MAX: variants seen among roughly 807,000 people sequenced by gnomAD.
MAX encodes MYC associated transcriptional regulator X.
A neutral mutation model predicts 22.3 loss-of-function variants in MAX; 3 were observed. The observed-to-expected ratio is 0.13, with a 90% CI of 0.06 to 0.35. The LOEUF is 0.35. Among genes scored for constraint, MAX ranks in the 10% least tolerant of loss-of-function variants. The probability of loss-of-function intolerance (pLI) is 1.00; values close to 1 mark genes in which losing one functional copy is unlikely to be tolerated. For missense variants in MAX, 119 were observed against 209.4 expected, an observed-to-expected ratio of 0.57 and a Z score of 2.66; for synonymous variants, 72 against 77.7, an observed-to-expected ratio of 0.93 and a Z score of 0.39.
rs752204333 is a variant in MAX at position 65,032,567 on chromosome 14, T to C, written c.172-26283A>G. ...GCGGAGTTCACTGAGCCTCATTAGCTCTTCCGTAGAGCTTAATGTGTTTCC... is the reference window on the plus strand; with the variant it reads ...GCGGAGTTCACTGAGCCTCATTAGCCCTTCCGTAGAGCTTAATGTGTTTCC... On this transcript the variant is annotated intron_variant, in intron 3 of 3. Coordinates refer to the MAX transcript ENST00000341653. This position sits in a 1 kb window ranked among gnomAD's most constrained non-coding sequence, Gnocchi z 5.0. 1.9e-6 allele frequency: 3 copies of C among 1,605,234 alleles called. No homozygotes were observed. Among genetic ancestry groups the C allele is most frequent in the Admixed American group, 1.7e-5 (1 of 58,726 alleles).
At chr14:65,035,210 C>T (rs1761405646) in intron 3 of MAX, among the ~76,000 whole-genome samples, 1 of 152,154 alleles carries the variant, frequency 6.6e-6, no homozygotes, top group South Asian at 2.1e-4. Flanking sequence ...TGACCCCTGG[C>T]CTGCTGCTGC....
downstream of MAX, among the ~76,000 whole-genome samples, chr14:65,072,605 C>A (rs1044620171): frequency 3.9e-5 from 6 of 152,166 alleles, no homozygotes; most frequent in African/African-American, 1.2e-4. Flanking sequence ...TGGTGAGCCA[C>A]GGCACACTTT....
At chr14:65,071,892 C>T (rs927896953), downstream of MAX, among the ~76,000 whole-genome samples, 10 of 152,338 alleles carry the variant, frequency 6.6e-5, no homozygotes, top group Admixed American at 5.2e-4. This position sits in a 1 kb window ranked among gnomAD's most constrained non-coding sequence, Gnocchi z 4.2. Context: ...TTAAGCCTGG[C>T]TTAGCCAAAT....
At chr14:65,074,147 T>A (rs2063015318), downstream of MAX, among the ~76,000 whole-genome samples, 1 of 152,130 alleles carries the variant, frequency 6.6e-6, no homozygotes, top group Admixed American at 6.5e-5. Flanking sequence ...ACCAACTGTA[T>A]ACTTAAGCCC....
At chr14:65,091,184 G>A (rs1468557472) in intron 3 of MAX, among the ~76,000 whole-genome samples, 1 of 152,088 alleles carries the variant, frequency 6.6e-6, no homozygotes, top group African/African-American at 2.4e-5. Flanking sequence ...CTAAGAATGA[G>A]CCTATTTCCT....
chr14:65,015,406 T>G, intron 3 of MAX: 3 of 412,646 alleles, frequency 7.3e-6, no homozygotes, highest in South Asian at 5.0e-5. Flanking sequence ...CCCAGCCTTG[T>G]TATCTTTTTT....
In MAX at chr14:65,044,414, C is replaced by G. The variant is rs747017414; in HGVS notation, c.172-38130G>C. 6.2e-7 allele frequency: 1 copy of G among 1,612,974 alleles called. No individual in the cohort carries two copies. The highest frequency in any genetic ancestry group is 8.5e-7 in the Non-Finnish European group (1 of 1,179,582). On this transcript the variant is annotated intron_variant, in intron 3 of 3. Coordinates refer to the MAX transcript ENST00000341653. This position sits in a 1 kb window ranked among gnomAD's most constrained non-coding sequence, Gnocchi z 5.5. ...TCCTTCTGGCAGGCGGGGCTCCTGC[C>G]CCTGCTCCACCGCGCACTGCACGCC...
Position 65,011,745 on chromosome 14 carries a change from G to A in MAX, c.172-5461C>T, listed in dbSNP as rs898903888. Among the ~76,000 whole-genome samples the A allele has an allele frequency of 6.6e-6, 1 of 152,204 alleles. No individual in the cohort carries two copies. Among genetic ancestry groups the A allele is most frequent in the Non-Finnish European group, 1.5e-5 (1 of 68,028 alleles). ...TGCTGACTTGAAAGCCAAGGACAGC[G>A]ACTGGCTGCAGAACACGGTCCTCTG... On this transcript the variant is annotated intron_variant, in intron 3 of 3. Coordinates refer to the MAX transcript ENST00000341653. This position sits in a 1 kb window ranked among gnomAD's most constrained non-coding sequence, Gnocchi z 4.0.
rs1215690604 is a variant in MAX at position 65,027,787 on chromosome 14, TG to T, written c.172-21504del. ...GGAGGTGAGGTGGATGTGAGGTGAG[TG>T]GGGTTTTGCACAGGCTGCCACATCA... On this transcript the variant is annotated intron_variant, in intron 3 of 3. Coordinates refer to the MAX transcript ENST00000341653. The surrounding 1 kb of genome is among the most constrained non-coding windows in gnomAD (Gnocchi z 5.7). The T allele has an allele frequency of 1.9e-6, 3 of 1,613,608 alleles. No individual in the cohort carries two copies. Among genetic ancestry groups the T allele is most frequent in the Middle Eastern group, 1.6e-4 (1 of 6,082 alleles).
In MAX at chr14:65,076,308, G is replaced by C. The variant is rs2063053199; in HGVS notation, c.*168C>G. Reference sequence around the variant, plus strand: ...CAGTGGAAATGGGGAAGGAGAACGAGAGCTGTTGTCCAAGAGCTTCTACGT... The same window carrying C: ...CAGTGGAAATGGGGAAGGAGAACGACAGCTGTTGTCCAAGAGCTTCTACGT... On this transcript the variant is annotated 3_prime_UTR_variant, in exon 5 of 5. Coordinates refer to ENST00000358664, the MANE Select transcript of MAX (RefSeq NM_002382.5). The surrounding 1 kb of genome is among the most constrained non-coding windows in gnomAD (Gnocchi z 6.6). The C allele has an allele frequency of 3.4e-6, 5 of 1,477,900 alleles. No homozygotes were observed. The highest frequency in any genetic ancestry group is 4.5e-6 in the Non-Finnish European group (5 of 1,120,042). 91.5% of individuals were successfully genotyped at this position (1,477,900 alleles called of 1,614,324 possible).
At chr14:65,061,572 G>T (rs1393222739) in intron 3 of MAX, 2 of 395,556 alleles carry the variant, frequency 5.1e-6, no homozygotes, top group East Asian at 9.3e-5. Flanking sequence ...GTGCATGCCA[G>T]GAGGAAGCAG....
chr14:65,063,345 T>C (rs781329733), intron 3 of MAX, among the ~76,000 whole-genome samples: 3 of 152,190 alleles, frequency 2.0e-5, no homozygotes, highest in African/African-American at 4.8e-5. Flanking sequence ...GTGAGATTAA[T>C]TGCAGTAATA....
chr14:65,050,374 T>C (rs1327920608), intron 3 of MAX, among the ~76,000 whole-genome samples: 1 of 152,176 alleles, frequency 6.6e-6, no homozygotes, highest in East Asian at 1.9e-4. Context: ...GTTGGGCAGA[T>C]CATTTTAGGA....
Position 65,032,593 on chromosome 14 carries a change from C to A in MAX, c.172-26309G>T. 1 of 1,612,372 alleles carries A rather than the reference C, an allele frequency of 6.2e-7. No homozygotes were observed. On this transcript the variant is annotated intron_variant, in intron 3 of 3. Coordinates refer to the MAX transcript ENST00000341653. The surrounding 1 kb of genome is among the most constrained non-coding windows in gnomAD (Gnocchi z 5.0). Reference sequence around the variant, plus strand: ...CTTCCGTAGAGCTTAATGTGTTTCCCGTTTCTGTCTTTCCAGAAGCGCATA... The same window carrying A: ...CTTCCGTAGAGCTTAATGTGTTTCCAGTTTCTGTCTTTCCAGAAGCGCATA...
intron 3 of MAX, among the ~76,000 whole-genome samples, chr14:65,037,961 C>T (rs2062252211): frequency 4.0e-5 from 6 of 151,278 alleles, no homozygotes; most frequent in African/African-American, 7.3e-5. Flanking sequence ...TACGGGGTTT[C>T]GCCATGTTGA....
intron 3 of MAX, among the ~76,000 whole-genome samples, chr14:65,046,904 A>T (rs1379630150): frequency 1.3e-5 from 2 of 152,156 alleles, no homozygotes; most frequent in Non-Finnish European, 2.9e-5. Flanking sequence ...TTTCTTGCAT[A>T]AAAAAAGACA....
chr14:65,092,962 C>G (rs775396652), intron 3 of MAX, among the ~76,000 whole-genome samples: 1 of 152,228 alleles, frequency 6.6e-6, no homozygotes, highest in Non-Finnish European at 1.5e-5. Flanking sequence ...ACTACACTCT[C>G]TGTCAAGGAT....
chr14:65,098,982 T>C (rs1343862252), intron 2 of MAX, among the ~76,000 whole-genome samples: 1 of 152,226 alleles, frequency 6.6e-6, no homozygotes, highest in South Asian at 2.1e-4. Context: ...TTTTTCAACA[T>C]CTTCTGTAGT....
chr14:65,055,602 C>T (rs1416407562), intron 3 of MAX, among the ~76,000 whole-genome samples: 1 of 151,956 alleles, frequency 6.6e-6, no homozygotes, highest in Non-Finnish European at 1.5e-5. Context: ...CTGCAACCTC[C>T]ACCTCCCAGG....
Sources: allele counts gnomAD v4.1 joint callset (sites outside exome capture counted in the v4.1 genomes callset), GRCh38; gene constraint gnomAD v4.1.1; non-coding constraint Gnocchi (gnomAD v3.1); transcripts MANE v1.5; gene names NCBI Gene and HGNC (gene_info 2026-07-23, HGNC 2026-07-21).